Variants in JPH3 observed in about 807,000 individuals in gnomAD.
JPH3 encodes the protein junctophilin 3.
JPH3 carries 11 observed loss-of-function variants against 59.6 expected under a neutral mutation model. The ratio of observed to expected loss-of-function variants is 0.18; its 90% CI spans 0.12 to 0.31. The LOEUF (loss-of-function observed/expected upper bound fraction) is 0.31. Among genes scored for constraint, JPH3 ranks in the 10% least tolerant of loss-of-function variants. The pLI, the probability that JPH3 is intolerant of heterozygous loss-of-function variation, is 1.00. For missense variants in JPH3, 1,202 were observed against 1,105.7 expected, an observed-to-expected ratio of 1.09 and a Z score of -1.24; for synonymous variants, 673 against 483.6, an observed-to-expected ratio of 1.39 and a Z score of -5.14.
chr16:87,626,968 C>T (rs1280575600), intron 1 of JPH3, among the ~76,000 whole-genome samples: 1 of 152,142 alleles, frequency 6.6e-6, no homozygotes, highest in Non-Finnish European at 1.5e-5. Flanking sequence ...TAGTGAAGCC[C>T]CATCTCTATT....
chr16:87,616,893 C>G (rs957090231), intron 1 of JPH3, among the ~76,000 whole-genome samples: 2 of 152,200 alleles, frequency 1.3e-5, no homozygotes, highest in African/African-American at 4.8e-5. Context: ...GTCACTCAGC[C>G]TCATTTGCTG....
intron 4 of JPH3, 110 bp from the exon 5 acceptor site, chr16:87,696,470 C>T (rs1597308816): frequency 3.5e-6 from 3 of 868,240 alleles, no homozygotes; most frequent in Admixed American, 3.7e-5. Context: ...CCGTACGCTT[C>T]CACCCCCGAG....
rs764261460 is a variant in JPH3, at chr16:87,689,716, C to T, written c.1356C>T (p.Pro452=). ...TCGAGGTGCTGTCCACCGGGACACC[C>T]CTGCAGCAGGAGAGCCCCGAGCTGT... The part of the protein sequence containing the change: ...DDIEVLSTGT[P]LQQESPELYR... The change falls in exon 4 of 5, where the codon CCC becomes CCT. Residue 452 remains proline, a synonymous_variant. Coordinates refer to ENST00000284262, the MANE Select transcript of JPH3 (RefSeq NM_020655.4). 4 of 1,612,540 alleles carry T rather than the reference C, an allele frequency of 2.5e-6. 1 individual carries two copies. In the South Asian group the frequency reaches 4.4e-5, roughly 18 times the overall value.
chr16:87,626,408 C>T (rs530053952), intron 1 of JPH3, among the ~76,000 whole-genome samples: 3 of 152,346 alleles, frequency 2.0e-5, no homozygotes, highest in South Asian at 2.1e-4. Flanking sequence ...AGGACTGGGG[C>T]TCTCCTCCCA....
chr16:87,627,419 C>G (rs1405903063), intron 1 of JPH3, among the ~76,000 whole-genome samples: 4 of 152,236 alleles, frequency 2.6e-5, no homozygotes, highest in Non-Finnish European at 4.4e-5. Flanking sequence ...GGTTAGACCA[C>G]TGAGACCACC....
At chr16:87,671,621 T>C (rs572260390) in intron 2 of JPH3, among the ~76,000 whole-genome samples, 1 of 64,846 alleles carries the variant, frequency 1.5e-5, no homozygotes, top group African/African-American at 5.3e-5. Context: ...GTTCTGCGCC[T>C]GAGCTCCCAG....
At position 87,644,354 on chromosome 16, in the gene JPH3, T is replaced by A; in HGVS notation, c.479T>A (p.Leu160Gln). ...ATGGCCGCGGTCATCCGCTCACCCC[T>A]GAGGACGTCCATCAACTCCCTGCGC... ...YGMAAVIRSPLRTSINSLRSE... is the reference protein window; with the variant it reads ...YGMAAVIRSPQRTSINSLRSE... Residue 160 changes from leucine (L) to glutamine (Q), a missense_variant, in exon 2 of 5, where the codon CTG becomes CAG. Physicochemically the swap from Leu to Gln is moderately radical, Grantham distance 113. Coordinates refer to ENST00000284262, the MANE Select transcript of JPH3 (RefSeq NM_020655.4). 1 of 1,612,942 alleles carries A rather than the reference T, an allele frequency of 6.2e-7. No individual in the cohort carries two copies.
At chr16:87,684,371 G>T in intron 3 of JPH3, 105 bp downstream of exon 3, 1 of 1,486,708 alleles carries the variant, frequency 6.7e-7, no homozygotes, top group Non-Finnish European at 9.1e-7. Context: ...GGCTTAGATG[G>T]GCTCAGCCCC....
In JPH3 at chr16:87,603,176, C is replaced by T. The variant is rs768024179; in HGVS notation, c.30C>T (p.Asp10=). ...CCAGTGGGGGCAGGTTTAATTTTGA[C>T]GACGGAGGGTCCTACTGTGGAGGCT... is the stretch of plus-strand genomic sequence containing the variant. MSSGGRFNF[D]DGGSYCGGWE... is the part of the protein sequence containing the mutation. Residue 10 remains aspartate (D), a synonymous_variant, in exon 1 of 5, where the codon GAC becomes GAT. Transcript: ENST00000284262. The T allele has an allele frequency of 9.9e-6, 16 of 1,613,978 alleles. No individual in the cohort carries two copies. The highest frequency in any genetic ancestry group is 3.3e-4 in the Middle Eastern group (2 of 6,062).
intron 4 of JPH3, among the ~76,000 whole-genome samples, chr16:87,692,853 C>T (rs1597298219): frequency 6.6e-6 from 1 of 152,350 alleles, no homozygotes; most frequent in East Asian, 1.9e-4. Flanking sequence ...GTACCTGCTT[C>T]CCGGCCCAGA....
In JPH3 at chr16:87,603,184, G is replaced by T. The variant is rs550520870; in HGVS notation, c.38G>T (p.Gly13Val). 6.2e-7 allele frequency: 1 copy of T among 1,613,986 alleles called. No individual in the cohort carries two copies. The highest frequency in any genetic ancestry group is 1.3e-5 in the African/African-American group (1 of 75,054). The stretch of plus-strand genomic sequence containing the variant: ...GGCAGGTTTAATTTTGACGACGGAG[G>T]GTCCTACTGTGGAGGCTGGGAGGAC... ...SGGRFNFDDG[G>V]SYCGGWEDGK... The change falls in exon 1 of 5, where the codon GGG becomes GTG. Residue 13 changes from glycine (G) to valine (V), a missense_variant. Coordinates refer to ENST00000284262, the MANE Select transcript of JPH3 (RefSeq NM_020655.4).
In JPH3 at chr16:87,645,026, C is replaced by G; in HGVS notation, c.1151C>G (p.Ala384Gly). 1 of 1,601,854 alleles carries G rather than the reference C, an allele frequency of 6.2e-7. No homozygotes were observed. The highest frequency in any genetic ancestry group is 1.1e-5 in the South Asian group (1 of 90,834). The change falls in exon 2 of 5, where the codon GCG becomes GGG. Residue 384 changes from alanine to glycine, a missense_variant. By Grantham distance (60) the Ala-to-Gly change is moderately conservative. Transcript: ENST00000284262. ...ATIAKQKAEIAASRTSHSRAK... is the reference protein window; with the variant it reads ...ATIAKQKAEIGASRTSHSRAK... The stretch of plus-strand genomic sequence containing the variant: ...ATCGCCAAGCAGAAGGCTGAGATCG[C>G]GGCTTCCAGGTAGGAGGGCGAGGGG...
At chr16:87,604,751 T>G in intron 1 of JPH3, 2 of 877,476 alleles carry the variant, frequency 2.3e-6, no homozygotes, top group South Asian at 4.3e-5. Context: ...TTATTTTGGC[T>G]TATGCAACTG....
rs903240238 is a variant in JPH3, at chr16:87,604,436, C to T, written c.382+908C>T. ...GCACCTGACACGCATGGAGCCGGTC[C>T]TTTCCTGGAAGCCAGACCCCAAACA... On this transcript the variant is annotated intron_variant, in intron 1 of 4. Coordinates refer to ENST00000284262, the MANE Select transcript of JPH3 (RefSeq NM_020655.4). 9 of 1,384,088 alleles carry T rather than the reference C, an allele frequency of 6.5e-6. No individual in the cohort carries two copies. In the African/African-American group the frequency reaches 1.2e-4, roughly 18 times the overall value. The allele number at this position is 1,384,088 out of a possible 1,614,324, so 85.7% of individuals were successfully genotyped here. A position where few individuals can be genotyped will look rare whatever the true frequency, so the allele number is the denominator to read the frequency against.
chr16:87,603,709 G>T (rs2030359948), intron 1 of JPH3, among the ~76,000 whole-genome samples, 181 bp downstream of exon 1: 1 of 152,248 alleles, frequency 6.6e-6, no homozygotes, highest in Non-Finnish European at 1.5e-5. Flanking sequence ...CCGCTGCCTG[G>T]TGGGGACAGT....
intron 2 of JPH3, among the ~76,000 whole-genome samples, chr16:87,647,104 G>A (rs1029974071): frequency 2.0e-5 from 3 of 152,064 alleles, no homozygotes; most frequent in Admixed American, 6.5e-5. Context: ...TCCCTTCCTG[G>A]GGCATCCAAC....
At chr16:87,642,579 G>A (rs905036041) in intron 1 of JPH3, among the ~76,000 whole-genome samples, 2 of 152,248 alleles carry the variant, frequency 1.3e-5, no homozygotes, top group South Asian at 2.1e-4. Flanking sequence ...CTGTGCCACC[G>A]TGAGTTGGAA....
rs35538359 is a variant in JPH3, at chr16:87,644,740, G to C, written c.865G>C (p.Val289Leu). The C allele has an allele frequency of 1.1e-4, 179 of 1,613,064 alleles. No individual in the cohort carries two copies. In the African/African-American group the frequency reaches 1.9e-3, roughly 17 times the overall value. ...CGACGCCACCACCACCGAGACCTACGTGGGCGAGTGGAAGAACGACAAACG... is the reference window on the plus strand; with the variant it reads ...CGACGCCACCACCACCGAGACCTACCTGGGCGAGTGGAAGAACGACAAACG... ...DIDATTTETY[V>L]GEWKNDKRSG... Residue 289 changes from valine (V) to leucine (L), a missense_variant, in exon 2 of 5, where the codon GTG (valine) becomes CTG (leucine). Physicochemically the swap from Val to Leu is conservative, Grantham distance 32. Coordinates refer to ENST00000284262, the MANE Select transcript of JPH3 (RefSeq NM_020655.4).
chr16:87,640,479 C>G (rs1373744085), intron 1 of JPH3, among the ~76,000 whole-genome samples: 2 of 151,930 alleles, frequency 1.3e-5, no homozygotes, highest in African/African-American at 4.8e-5. Flanking sequence ...TAACCTCCAC[C>G]TCCCAGGTTC....
Sources: gnomAD v4.1 joint callset for allele counts (sites outside exome capture counted in the v4.1 genomes callset) on GRCh38, gnomAD v4.1.1 for gene constraint, MANE v1.5 for transcripts, NCBI Gene and HGNC (gene_info 2026-07-23, HGNC 2026-07-21) for gene names.